The following TBC1D30 variants were observed in gnomAD, a reference collection of about 807,000 sequenced individuals.
The protein encoded by TBC1D30 is TBC1 domain family, member 30.
TBC1D30 carries 31 observed loss-of-function variants against 63.2 expected under a neutral mutation model. That is an observed-to-expected ratio of 0.49 (90% confidence interval 0.37 to 0.66). The LOEUF is 0.66. Ranked by LOEUF, TBC1D30 falls within the 30% of genes least tolerant of loss-of-function variation. The pLI is 0.00. For missense variants in TBC1D30, 810 were observed against 953.6 expected (o/e 0.85, Z 1.98); for synonymous variants, 307 against 361.5 (o/e 0.85, Z 1.71).
At chr12:64,853,954 C>A (rs1421928166) in intron 8 of TBC1D30, among the ~76,000 whole-genome samples, 1 of 152,186 alleles carries the variant, frequency 6.6e-6, no homozygotes, top group Non-Finnish European at 1.5e-5. Flanking sequence ...TGCCAGCTAC[C>A]TGAGTCTATA....
intron 2 of TBC1D30, among the ~76,000 whole-genome samples, chr12:64,794,790 T>G (rs1872153023): frequency 6.6e-6 from 1 of 152,164 alleles, no homozygotes; most frequent in South Asian, 2.1e-4. Context: ...TTTGATTTAT[T>G]TCCTTGGAGA....
intron 1 of TBC1D30, among the ~76,000 whole-genome samples, chr12:64,781,700 T>TG (rs1435181948): frequency 4.0e-5 from 6 of 151,198 alleles, no homozygotes; most frequent in African/African-American, 1.5e-4. Flanking sequence ...CCTTTTTTTT[T>TG]TTTTGTTTTT....
At chr12:64,796,639 C>G (rs908537345) in intron 2 of TBC1D30, among the ~76,000 whole-genome samples, 4 of 152,078 alleles carry the variant, frequency 2.6e-5, no homozygotes, top group Admixed American at 2.0e-4. Flanking sequence ...GAGAATACTT[C>G]TAGAAGTGGG....
chr12:64,852,079 G>A (rs980504242), intron 8 of TBC1D30, among the ~76,000 whole-genome samples: 7 of 152,126 alleles, frequency 4.6e-5, no homozygotes, highest in Non-Finnish European at 8.8e-5. Context: ...GCTAGATTGG[G>A]GAAGTTCTCC....
chr12:64,864,026 G>A (rs1016155993), intron 8 of TBC1D30, among the ~76,000 whole-genome samples: 1 of 151,952 alleles, frequency 6.6e-6, no homozygotes, highest in Non-Finnish European at 1.5e-5. Flanking sequence ...TGAAATTCTG[G>A]TGGAAGCACA....
rs1228167768 is a variant in TBC1D30, at chr12:64,828,329, C to T, written c.217-115C>T. The stretch of plus-strand genomic sequence containing the variant: ...CTGAAAGAAGCTTTGACTGTTTACC[C>T]CATTGTGCTGTGCAAATTTCAGCAC... On this transcript the variant is annotated intron_variant, in intron 2 of 11. Transcript: ENST00000539867. 1.2e-5 allele frequency: 9 copies of T among 741,212 alleles called. 1 individual carries two copies. In the South Asian group the frequency reaches 1.5e-4, roughly 12 times the overall value. 45.9% of individuals were successfully genotyped at this position (741,212 alleles called of 1,614,324 possible).
At chr12:64,792,177 A>G (rs1355271929) in intron 2 of TBC1D30, among the ~76,000 whole-genome samples, 1 of 152,214 alleles carries the variant, frequency 6.6e-6, no homozygotes, top group Non-Finnish European at 1.5e-5. Flanking sequence ...TTTAAAGAAT[A>G]AGTAAACAAA....
intron 3 of TBC1D30, among the ~76,000 whole-genome samples, chr12:64,829,282 A>G (rs1408962867): frequency 6.6e-6 from 1 of 152,214 alleles, no homozygotes; most frequent in Non-Finnish European, 1.5e-5. Flanking sequence ...GGAGACCAGT[A>G]GGAGACTTGC....
At chr12:64,825,148 C>T in intron 1 of TBC1D30, 115 bp downstream of exon 1, 1 of 1,383,030 alleles carries the variant, frequency 7.2e-7, no homozygotes, top group South Asian at 1.5e-5. Flanking sequence ...GTCCGCGTGC[C>T]ACCTGGTGCG....
upstream of TBC1D30, among the ~76,000 whole-genome samples, chr12:64,775,944 A>G (rs1871066234): frequency 6.6e-6 from 1 of 152,228 alleles, no homozygotes; most frequent in Non-Finnish European, 1.5e-5. Flanking sequence ...CAACAGTGCA[A>G]TCAAATTAGA....
intron 8 of TBC1D30, among the ~76,000 whole-genome samples, chr12:64,852,648 A>AG (rs201654298): frequency 0.01 from 1,563 of 152,074 alleles, 18 homozygotes; most frequent in African/African-American, 0.035. Flanking sequence ...CTTTGATGTC[A>AG]GTGACCTTCG....
chr12:64,822,673 AG>A (rs1190151589), upstream of TBC1D30, among the ~76,000 whole-genome samples: 2 of 101,988 alleles, frequency 2.0e-5, no homozygotes, highest in Admixed American at 2.1e-4. Context: ...TAATTTTTGT[AG>A]CTTTTTTTTT....
intron 2 of TBC1D30, among the ~76,000 whole-genome samples, chr12:64,788,285 A>G (rs547313829): frequency 2.6e-4 from 40 of 151,890 alleles, no homozygotes; most frequent in Non-Finnish European, 5.1e-4. Flanking sequence ...TTTTCCATTA[A>G]TTCTGATTGA....
At chr12:64,766,009 C>T (rs1870700952) in intron 1 of TBC1D30, among the ~76,000 whole-genome samples, 1 of 151,822 alleles carries the variant, frequency 6.6e-6, no homozygotes, top group African/African-American at 2.4e-5. Context: ...GATACCCTGT[C>T]TCAAAAATAA....
At chr12:64,781,294 C>T (rs1286961447) in intron 1 of TBC1D30, 2 of 1,118,340 alleles carry the variant, frequency 1.8e-6, no homozygotes, top group South Asian at 1.8e-5. Context: ...AAGGTGAGGG[C>T]CGGGCGCAGC....
intron 3 of TBC1D30, among the ~76,000 whole-genome samples, 179 bp from the exon 4 acceptor site, chr12:64,830,198 G>C (rs1874722841): frequency 6.6e-6 from 1 of 152,094 alleles, no homozygotes; most frequent in Admixed American, 6.5e-5. Context: ...GGCCCTAAAT[G>C]GTGCAAATCA....
At chr12:64,855,402 T>C (rs1299559119) in intron 8 of TBC1D30, among the ~76,000 whole-genome samples, 1 of 152,180 alleles carries the variant, frequency 6.6e-6, no homozygotes, top group African/African-American at 2.4e-5. Context: ...TATTATCTCT[T>C]TGAATAAGTT....
In TBC1D30 at chr12:64,825,048, G is replaced by A; in HGVS notation, c.154+15G>A. ...CCTGGAGCCGGGTGAGGACCCCAGG[G>A]CTGCAGATGGGGCGCTGTAAAGTAG... On this transcript the variant is annotated intron_variant, in intron 1 of 11. Transcript: ENST00000539867. The A allele has an allele frequency of 6.6e-7, 1 of 1,526,322 alleles. No individual in the cohort carries two copies. Among genetic ancestry groups the A allele is most frequent in the Non-Finnish European group, 8.8e-7 (1 of 1,141,934 alleles). The allele number at this position is 1,526,322 out of a possible 1,614,324, so 94.5% of individuals were successfully genotyped here.
chr12:64,794,821 A>C (rs1375121348), intron 2 of TBC1D30, among the ~76,000 whole-genome samples: 1 of 151,912 alleles, frequency 6.6e-6, no homozygotes, highest in African/African-American at 2.4e-5. Context: ...TTTATTTTCC[A>C]GTCCTGTTAT....
Sources: allele counts gnomAD v4.1 joint callset (sites outside exome capture counted in the v4.1 genomes callset), GRCh38; gene constraint gnomAD v4.1.1; transcripts MANE v1.5; gene names NCBI Gene and HGNC (gene_info 2026-07-23, HGNC 2026-07-21).